Variants in ATP2B3 observed in about 807,000 individuals in gnomAD.
ATP2B3 encodes ATPase plasma membrane Ca2+ transporting 3.
In ATP2B3, 12 loss-of-function variants were observed where a neutral mutation model predicts 70.8. That is an observed-to-expected ratio of 0.17 (90% CI 0.11 to 0.27). The LOEUF (loss-of-function observed/expected upper bound fraction) is 0.27. Among genes scored for constraint, ATP2B3 ranks in the 10% least tolerant of loss-of-function variants. The pLI, the probability that ATP2B3 is intolerant of heterozygous loss-of-function variation, is 1.00. For synonymous variants in ATP2B3, 460 were observed against 497.8 expected, an observed-to-expected ratio of 0.92 and a Z score of 1.01; for missense variants, 858 against 1,118.5, an observed-to-expected ratio of 0.77 and a Z score of 3.32.
rs781795852 is a variant in ATP2B3 at position 153,562,144 on chromosome X, G to A, written c.3061G>A (p.Val1021Ile). 1.7e-5 allele frequency: 21 copies of A among 1,210,322 alleles called. No homozygotes were observed. The highest frequency in any genetic ancestry group is 5.3e-5 in the South Asian group (3 of 56,906). The part of the protein sequence containing the change: ...LGTFGIQIVI[V>I]QFGGKPFSCS... ...CACTTGCCCTTCGCAGATTGTCATC[G>A]TCCAGTTTGGCGGGAAGCCCTTCAG... The change falls in exon 20 of 22, where the codon GTC (valine) becomes ATC (isoleucine). Residue 1021 changes from valine to isoleucine, a missense_variant. Physicochemically the swap from Val to Ile is conservative, Grantham distance 29 (BLOSUM62 3). Transcript: ENST00000263519.
chrX:153,532,651 G>GC (rs1445240854), intron 2 of ATP2B3, among the ~76,000 whole-genome samples: 2 of 112,140 alleles, frequency 1.8e-5, no homozygotes, highest in East Asian at 2.8e-4. Context: ...AAGGTGCGAG[G>GC]CCCCCTCTGT....
At chrX:153,558,648 G>T (rs114514201) in intron 17 of ATP2B3, among the ~76,000 whole-genome samples, 162 of 112,005 alleles carry the variant, frequency 1.4e-3, no homozygotes, top group African/African-American at 4.9e-3. Context: ...TGCCTGTTCC[G>T]GACATTTCAT....
intron 11 of ATP2B3, 30 bp from the exon 12 acceptor site, chrX:153,550,015 C>T (rs2090432668): frequency 1.7e-6 from 2 of 1,199,313 alleles, no homozygotes; most frequent in African/African-American, 1.7e-5. Flanking sequence ...CTCAGGCCCC[C>T]AGTGCCTGCT....
At chrX:153,576,487 A>C (rs953467288) in intron 21 of ATP2B3, among the ~76,000 whole-genome samples, 1 of 111,964 alleles carries the variant, frequency 8.9e-6, no homozygotes, top group African/African-American at 3.3e-5. Flanking sequence ...TGGAGCACTG[A>C]TAAGAGTCCT....
intron 8 of ATP2B3, among the ~76,000 whole-genome samples, chrX:153,547,379 G>A (rs954542130): frequency 1.8e-5 from 2 of 111,167 alleles, no homozygotes; most frequent in Admixed American, 9.5e-5. Context: ...CCGAACAGGC[G>A]CAGGGCTGGC....
At chrX:153,540,112 C>T (rs1346721339) in intron 3 of ATP2B3, among the ~76,000 whole-genome samples, 8 of 112,122 alleles carry the variant, frequency 7.1e-5, no homozygotes, top group Non-Finnish European at 5.6e-5. Flanking sequence ...CTGTGCTCAC[C>T]GGGTCCTGTC....
chrX:153,536,952 G>A (rs1177726896), intron 3 of ATP2B3, among the ~76,000 whole-genome samples: 1 of 112,344 alleles, frequency 8.9e-6, no homozygotes, highest in Non-Finnish European at 1.9e-5. Context: ...AGCCATTTGG[G>A]TCTGGCAGGA....
chrX:153,559,501 T>G, intron 17 of ATP2B3: 1 of 413,394 alleles, frequency 2.4e-6, no homozygotes, highest in Non-Finnish European at 4.2e-6. Context: ...CTGCGAGGGA[T>G]TTGGAGCACA....
Position 153,549,638 on chromosome X carries a change from C to T in ATP2B3, c.1480C>T (p.His494Tyr). The change falls in exon 11 of 22, where the codon CAC becomes TAC. Residue 494 changes from histidine to tyrosine, a missense_variant. By Grantham distance (83) the His-to-Tyr change is moderately conservative. Coordinates refer to ENST00000263519, the MANE Select transcript of ATP2B3 (RefSeq NM_001001344.3). Reference protein sequence around the residue: ...TVVQSYLGDTHYKEIPAPSAL... With the variant: ...TVVQSYLGDTYYKEIPAPSAL... Reference sequence around the variant, plus strand: ...GGTCCAGTCCTACCTAGGAGACACCCACTACAAAGAGATTCCGGCCCCCAG... The same window carrying T: ...GGTCCAGTCCTACCTAGGAGACACCTACTACAAAGAGATTCCGGCCCCCAG... The T allele has an allele frequency of 2.5e-6, 3 of 1,212,351 alleles. No homozygotes were observed. The highest frequency in any genetic ancestry group is 3.3e-6 in the Non-Finnish European group (3 of 895,588).
chrX:153,550,007 C>A, intron 11 of ATP2B3, 38 bp from the exon 12 acceptor site: 1 of 1,196,071 alleles, frequency 8.4e-7, no homozygotes, highest in South Asian at 1.8e-5. Flanking sequence ...AGGGTGGTCT[C>A]AGGCCCCCAG....
chrX:153,575,711 C>G, intron 21 of ATP2B3, among the ~76,000 whole-genome samples: 1 of 112,153 alleles, frequency 8.9e-6, no homozygotes, highest in Non-Finnish European at 1.9e-5. Flanking sequence ...GAGCCGGAGC[C>G]GAGAGGCTGT....
chrX:153,548,316 G>T (rs1427922035), intron 9 of ATP2B3, among the ~76,000 whole-genome samples: 2 of 111,795 alleles, frequency 1.8e-5, no homozygotes, highest in South Asian at 3.7e-4. Flanking sequence ...GGCATGCAGG[G>T]CTGGTACCCC....
chrX:153,572,649 T>C (rs5986912), intron 21 of ATP2B3, among the ~76,000 whole-genome samples: 5,219 of 110,885 alleles, frequency 0.047, 310 homozygotes, highest in African/African-American at 0.16. Context: ...TCTGCATGCA[T>C]TGTCAGACTG....
chrX:153,542,984 A>C (rs1453550513), intron 6 of ATP2B3, 59 bp from the exon 7 acceptor site: 3 of 1,173,915 alleles, frequency 2.6e-6, no homozygotes, highest in Non-Finnish European at 3.4e-6. Context: ...GTGGGCGCTG[A>C]ATGTGTCTCC....
At chrX:153,571,009 C>CACACACAT (rs1557019762) in intron 21 of ATP2B3, among the ~76,000 whole-genome samples, 4 of 102,928 alleles carry the variant, frequency 3.9e-5, no homozygotes, top group Non-Finnish European at 7.9e-5. Flanking sequence ...CGCGTACACA[C>CACACACAT]ACACACACAC....
intron 3 of ATP2B3, among the ~76,000 whole-genome samples, chrX:153,537,025 C>T (rs1557004478): frequency 8.9e-6 from 1 of 112,605 alleles, no homozygotes; most frequent in Admixed American, 9.3e-5. Context: ...CACTGACTGG[C>T]CACAGGCTGT....
intron 21 of ATP2B3, among the ~76,000 whole-genome samples, chrX:153,578,976 G>A (rs782711445): frequency 5.5e-4 from 62 of 112,772 alleles, no homozygotes; most frequent in African/African-American, 1.8e-3. Context: ...GGCCATTTTC[G>A]GTCTCAGATA....
At chrX:153,534,880 G>A (rs1395383536) in intron 2 of ATP2B3, among the ~76,000 whole-genome samples, 6 of 113,307 alleles carry the variant, frequency 5.3e-5, no homozygotes, top group African/African-American at 1.6e-4. Flanking sequence ...GGACTTGGCC[G>A]TGTCTGCTTT....
intron 21 of ATP2B3, among the ~76,000 whole-genome samples, chrX:153,573,782 C>T (rs1315898478): frequency 3.6e-5 from 4 of 112,447 alleles, no homozygotes; most frequent in African/African-American, 1.3e-4. Context: ...CTCTTTAGTC[C>T]GACCACCCGA....
Sources: allele counts gnomAD v4.1 joint callset (sites outside exome capture counted in the v4.1 genomes callset), GRCh38; gene constraint gnomAD v4.1.1; transcripts MANE v1.5; gene names NCBI Gene and HGNC (gene_info 2026-07-23, HGNC 2026-07-21).